CDKN2B-AS1: variants seen among roughly 807,000 people sequenced by gnomAD.
CDKN2B-AS1 encodes the protein CDKN2B antisense RNA 1 (non-protein coding).
chr9:22,072,532 C>A (rs1353827967), intron 4 of CDKN2B-AS1, among the ~76,000 whole-genome samples: 1 of 152,184 alleles, frequency 6.6e-6, no homozygotes, highest in African/African-American at 2.4e-5. Context: ...GCTATCTAAG[C>A]CTTAGTTAGT....
At chr9:22,030,406 CTATT>C in intron 1 of CDKN2B-AS1, 1 of 152,122 alleles carries the variant, frequency 6.6e-6, no homozygotes, top group Non-Finnish European at 1.5e-5. Context: ...TTCTTTTACT[CTATT>C]TAGTTTGTAC....
chr9:22,008,368 T>C (rs1488142628), intron 1 of CDKN2B-AS1, among the ~76,000 whole-genome samples: 1 of 152,354 alleles, frequency 6.6e-6, no homozygotes, highest in Middle Eastern at 3.4e-3. Context: ...TTTCATATAG[T>C]AGCTTAGAAG....
intron 4 of CDKN2B-AS1, among the ~76,000 whole-genome samples, chr9:22,094,138 T>A (rs1365733200): frequency 6.9e-6 from 1 of 144,440 alleles, no homozygotes; most frequent in Non-Finnish European, 1.5e-5. Context: ...GAATGTTGAA[T>A]ATTGGCCCCC....
chr9:22,127,418 T>TG (rs1228816349), exon 5 of CDKN2B-AS1, among the ~76,000 whole-genome samples: 1 of 152,246 alleles, frequency 6.6e-6, no homozygotes, highest in African/African-American at 2.4e-5. Flanking sequence ...TATGCCTAGA[T>TG]GCACTGCCTC....
chr9:22,056,722 C>A (rs1263242541), intron 4 of CDKN2B-AS1, among the ~76,000 whole-genome samples: 1 of 152,144 alleles, frequency 6.6e-6, no homozygotes, highest in Non-Finnish European at 1.5e-5. Flanking sequence ...TCTTAAGTTG[C>A]TATCATTTAA....
rs560524773 is a variant in CDKN2B-AS1, at chr9:21,998,862, A to G, written n.29+3701A>G. ...TCAAACTCAAAACCCCAAAGTCATA[A>G]GAAAAAAGATAACATAAGCAAGAAT... On this transcript the variant is annotated intron_variant and non_coding_transcript_variant, in intron 1 of 4. Coordinates refer to ENST00000650946, the Ensembl canonical transcript of CDKN2B-AS1. Among the ~76,000 whole-genome samples, 7 of 151,778 alleles carry G rather than the reference A, an allele frequency of 4.6e-5. 1 individual carries two copies. The highest frequency in any genetic ancestry group is 1.7e-4 in the African/African-American group (7 of 41,164).
At chr9:22,045,839 C>T (rs1046763305) in intron 1 of CDKN2B-AS1, among the ~76,000 whole-genome samples, 4 of 152,020 alleles carry the variant, frequency 2.6e-5, no homozygotes, top group African/African-American at 4.8e-5. Context: ...GATTGTGGTC[C>T]AAGCTCTTCA....
chr9:22,004,480 C>A (rs896944527), intron 1 of CDKN2B-AS1: 9 of 232,506 alleles, frequency 3.9e-5, no homozygotes, highest in African/African-American at 2.0e-4. Flanking sequence ...GAGAAGGGAA[C>A]CCCTGTGAAC....
chr9:22,032,520 G>A (rs1026143805), intron 1 of CDKN2B-AS1, among the ~76,000 whole-genome samples: 2 of 152,106 alleles, frequency 1.3e-5, no homozygotes, highest in Non-Finnish European at 2.9e-5. Flanking sequence ...CTCAACAAAG[G>A]CTTGGCTGTT....
At chr9:22,029,020 C>A (rs1822357586) in intron 1 of CDKN2B-AS1, among the ~76,000 whole-genome samples, 1 of 149,596 alleles carries the variant, frequency 6.7e-6, no homozygotes. Context: ...ATTTGGACAT[C>A]AAAAAGAATG....
intron 4 of CDKN2B-AS1, among the ~76,000 whole-genome samples, chr9:22,086,753 A>G (rs1252188432): frequency 6.6e-6 from 1 of 152,186 alleles, no homozygotes; most frequent in Admixed American, 6.5e-5. Context: ...TTATTTATCT[A>G]TCCATTTATT....
intron 4 of CDKN2B-AS1, among the ~76,000 whole-genome samples, chr9:22,059,232 C>T (rs1823702870): frequency 6.6e-6 from 1 of 152,206 alleles, no homozygotes; most frequent in African/African-American, 2.4e-5. Context: ...CAAGGGTAGT[C>T]CCTTCTGCCT....
rs1372037667 is a variant in CDKN2B-AS1, at chr9:21,995,172, T to C, written n.29+11T>C. The C allele has an allele frequency of 6.6e-6, 1 of 151,460 alleles. No homozygotes were observed. Among genetic ancestry groups the C allele is most frequent in the Non-Finnish European group, 1.5e-5 (1 of 67,856 alleles). 9.4% of individuals were successfully genotyped at this position (151,460 alleles called of 1,614,324 possible). The stretch of plus-strand genomic sequence containing the variant: ...CTGGCGCCGGACTAGGTAGGTGGAG[T>C]CGCACCCGGGGGTCCCAGCTGGGTC... On this transcript the variant is annotated intron_variant and non_coding_transcript_variant, in intron 1 of 4. Coordinates refer to ENST00000650946, the Ensembl canonical transcript of CDKN2B-AS1. The surrounding 1 kb of genome is among the most constrained non-coding windows in gnomAD (Gnocchi z 5.7).
At chr9:22,022,536 A>G (rs1320384138) in intron 1 of CDKN2B-AS1, among the ~76,000 whole-genome samples, 2 of 151,994 alleles carry the variant, frequency 1.3e-5, no homozygotes, top group Non-Finnish European at 2.9e-5. Flanking sequence ...TTTTGAGCCT[A>G]TCTCATTGCA....
At position 22,109,025 on chromosome 9, in the gene CDKN2B-AS1, T is replaced by C. The variant is rs528795871; in HGVS notation, n.439-18078T>C. On this transcript the variant is annotated intron_variant and non_coding_transcript_variant, in intron 4 of 4. Coordinates refer to ENST00000650946, the Ensembl canonical transcript of CDKN2B-AS1. ...CTTCCTTTATTTAACCTTGAATTTA[T>C]GAGATTATTTTTTTCCCCAGAAGAA... Among the ~76,000 whole-genome samples, 4 of 152,320 alleles carry C rather than the reference T, an allele frequency of 2.6e-5. No homozygotes were observed. The South Asian group carries it at 6.2e-4, about 24-fold the overall frequency.
intron 1 of CDKN2B-AS1, chr9:22,030,181 CAT>C (rs1822410243): frequency 6.6e-6 from 1 of 152,182 alleles, no homozygotes; most frequent in African/African-American, 2.4e-5. Context: ...CAGCTCACCA[CAT>C]GTTTAGAGTA....
intron 3 of CDKN2B-AS1, among the ~76,000 whole-genome samples, chr9:22,054,658 G>A (rs1271673767): frequency 6.7e-6 from 1 of 148,734 alleles, no homozygotes; most frequent in Non-Finnish European, 1.5e-5. Context: ...GAAAACCTGT[G>A]TTCTTTCAGC....
chr9:22,116,271 G>A (rs539391583), intron 4 of CDKN2B-AS1, among the ~76,000 whole-genome samples: 1 of 152,196 alleles, frequency 6.6e-6, no homozygotes, highest in Non-Finnish European at 1.5e-5. Flanking sequence ...ACGGATATAA[G>A]TTTGAGTAGG....
At chr9:22,101,665 A>AACAC (rs748040681) in intron 4 of CDKN2B-AS1, among the ~76,000 whole-genome samples, 5,501 of 125,430 alleles carry the variant, frequency 0.044, 226 homozygotes, top group African/African-American at 0.1. Flanking sequence ...AACCCTCTTC[A>AACAC]ACACACACAC....
Sources: allele counts gnomAD v4.1 joint callset (sites outside exome capture counted in the v4.1 genomes callset), GRCh38; gene constraint gnomAD v4.1.1; non-coding constraint Gnocchi (gnomAD v3.1); transcripts MANE v1.5; gene names NCBI Gene and HGNC (gene_info 2026-07-23, HGNC 2026-07-21).